The following ANKRD26 variants were observed in gnomAD, a reference collection of about 807,000 sequenced individuals.
ANKRD26 encodes the protein ankyrin repeat domain-containing protein 26.
A neutral mutation model predicts 208.7 loss-of-function variants in ANKRD26; 141 were observed. The observed-to-expected ratio is 0.68, with a 90% CI of 0.59 to 0.78. The LOEUF is 0.78. Ranked by LOEUF, ANKRD26 falls within the 30% of genes least tolerant of loss-of-function variation. The probability of loss-of-function intolerance (pLI) is 0.00; values close to 1 mark genes in which losing one functional copy is unlikely to be tolerated. For missense variants in ANKRD26, 1,889 were observed against 1,938.7 expected (o/e 0.97, Z 0.48); for synonymous variants, 636 against 660.4 (o/e 0.96, Z 0.57).
chr10:26,993,785 C>G (rs890536927), intron 5 of ANKRD26, among the ~76,000 whole-genome samples: 1 of 151,982 alleles, frequency 6.6e-6, no homozygotes, highest in Non-Finnish European at 1.5e-5. Flanking sequence ...AAGGAGATAC[C>G]CAACATGGAA....
At position 27,067,024 on chromosome 10, in the gene ANKRD26, C is replaced by T. The variant is rs187299659; in HGVS notation, c.1207+133G>A. ...GTTTCATCATGTTGGCTAGGCTGGTCTCGAACTCCTGACCTCAGGTGATCC... is the reference window on the plus strand; with the variant it reads ...GTTTCATCATGTTGGCTAGGCTGGTTTCGAACTCCTGACCTCAGGTGATCC... On this transcript the variant is annotated intron_variant, in intron 10 of 33. Transcript: ENST00000376087. 8.5e-5 allele frequency: 80 copies of T among 946,344 alleles called. No individual in the cohort carries two copies. In the Admixed American group the frequency reaches 1.5e-3, roughly 18 times the overall value. 58.6% of individuals were successfully genotyped at this position (946,344 alleles called of 1,614,324 possible).
At chr10:26,952,496 C>T in the ANKRD26 span, among the ~76,000 whole-genome samples, 2 of 134,578 alleles carry the variant, frequency 1.5e-5, no homozygotes, top group Non-Finnish European at 3.3e-5. Flanking sequence ...CATCAAGAGC[C>T]TTTTTGACAT....
chr10:26,963,499 GCTA>G, the ANKRD26 span, among the ~76,000 whole-genome samples: 1 of 152,166 alleles, frequency 6.6e-6, no homozygotes, highest in African/African-American at 2.4e-5. Context: ...AGCTGATGAT[GCTA>G]CCATGCTGCC....
At chr10:26,974,335 T>C (rs981392842) in exon 6 of ANKRD26, among the ~76,000 whole-genome samples, 1 of 124,838 alleles carries the variant, frequency 8.0e-6, no homozygotes, top group African/African-American at 3.2e-5. Context: ...TAGACATTAC[T>C]TCTGCATTTT....
At chr10:27,098,231 G>C (rs374673805) in intron 1 of ANKRD26, among the ~76,000 whole-genome samples, 1 of 149,036 alleles carries the variant, frequency 6.7e-6, no homozygotes, top group Non-Finnish European at 1.5e-5. Context: ...GGCTAGTTTC[G>C]AACTCCTGGG....
rs1271087263 is a variant in ANKRD26 at position 27,021,760 on chromosome 10, CTTG to C, written c.4215+795_4215+797del. Among the ~76,000 whole-genome samples the C allele has an allele frequency of 3.9e-5, 6 of 152,164 alleles. No homozygotes were observed. The South Asian group carries it at 6.2e-4, about 16-fold the overall frequency. On this transcript the variant is annotated intron_variant, in intron 29 of 33. Coordinates refer to ENST00000376087, the MANE Select transcript of ANKRD26 (RefSeq NM_014915.3). ...CATTCTGGCTAGTATGAGATGGTATCTTGTTGTGGTTTTGATTTGCATTTCTCT... is the reference window on the plus strand; with the variant it reads ...CATTCTGGCTAGTATGAGATGGTATCTTGTGGTTTTGATTTGCATTTCTCT...
At chr10:27,073,893 T>C (rs1210622713) in intron 9 of ANKRD26, among the ~76,000 whole-genome samples, 1 of 152,082 alleles carries the variant, frequency 6.6e-6, no homozygotes, top group African/African-American at 2.4e-5. Context: ...ACACAAAGAT[T>C]CTCTGTAACG....
chr10:27,046,218 G>C, intron 18 of ANKRD26, 135 bp downstream of exon 18: 1 of 932,484 alleles, frequency 1.1e-6, no homozygotes, highest in Non-Finnish European at 1.6e-6. Context: ...AAAGTCACTT[G>C]TCCTCATCTT....
At chr10:26,988,479 G>T (rs7911508), downstream of ANKRD26, among the ~76,000 whole-genome samples, 1 of 151,926 alleles carries the variant, frequency 6.6e-6, no homozygotes, top group Non-Finnish European at 1.5e-5. Context: ...GGGAAAAATT[G>T]AGTCCTCTAA....
intron 29 of ANKRD26, among the ~76,000 whole-genome samples, chr10:27,018,693 C>G (rs1053560060): frequency 6.6e-6 from 1 of 152,124 alleles, no homozygotes; most frequent in African/African-American, 2.4e-5. Flanking sequence ...CGTGTATTTA[C>G]AGCCAACTGA....
chr10:27,058,262 A>G (rs1442134425), intron 15 of ANKRD26, among the ~76,000 whole-genome samples: 1 of 152,176 alleles, frequency 6.6e-6, no homozygotes, highest in Non-Finnish European at 1.5e-5. Flanking sequence ...TTTTGATTTA[A>G]GAATCCCTAG....
chr10:27,064,839 T>C (rs1227899547), intron 11 of ANKRD26, among the ~76,000 whole-genome samples: 6 of 127,696 alleles, frequency 4.7e-5, no homozygotes, highest in South Asian at 2.1e-4. Context: ...CAAAAAAGTA[T>C]AGCAAGCCTT....
chr10:27,032,904 T>C (rs1554777826), intron 25 of ANKRD26, among the ~76,000 whole-genome samples: 1 of 150,418 alleles, frequency 6.6e-6, no homozygotes, highest in Non-Finnish European at 1.5e-5. Flanking sequence ...ACCTCGTCTC[T>C]ACTAAAAAAA....
Position 27,051,346 on chromosome 10 carries a change from T to C in ANKRD26, c.1635+1974A>G, listed in dbSNP as rs990610378. On this transcript the variant is annotated intron_variant, in intron 16 of 33. Transcript: ENST00000376087. Reference sequence around the variant, plus strand: ...CCAGCAGAAATACTATGCCTTTTTATGTGAAACATATGATTCATTTCTTTG... The same window carrying C: ...CCAGCAGAAATACTATGCCTTTTTACGTGAAACATATGATTCATTTCTTTG... 8 of 1,260,324 alleles carry C rather than the reference T, an allele frequency of 6.3e-6. No homozygotes were observed. The South Asian group carries it at 9.3e-5, about 15-fold the overall frequency. 78.1% of individuals were successfully genotyped at this position (1,260,324 alleles called of 1,614,324 possible).
At chr10:27,062,133 A>G in intron 12 of ANKRD26, 2 of 985,230 alleles carry the variant, frequency 2.0e-6, no homozygotes, top group Non-Finnish European at 2.4e-6. Flanking sequence ...TAATCTCCAG[A>G]TCTGTGGTCT....
downstream of ANKRD26, among the ~76,000 whole-genome samples, chr10:26,988,089 C>T (rs986465006): frequency 1.3e-5 from 2 of 152,124 alleles, no homozygotes; most frequent in African/African-American, 4.8e-5. Context: ...CTGATTGTCC[C>T]TCTGGAGTAA....
chr10:27,008,787 T>C (rs936468946), intron 32 of ANKRD26, among the ~76,000 whole-genome samples: 2 of 152,156 alleles, frequency 1.3e-5, no homozygotes, highest in African/African-American at 4.8e-5. Flanking sequence ...ATTCCAGCCC[T>C]GGAGTGGCCT....
Position 27,082,814 on chromosome 10 carries a change from G to A in ANKRD26, c.729C>T (p.Asp243=). The A allele has an allele frequency of 6.3e-7, 1 of 1,589,436 alleles. No homozygotes were observed. The highest frequency in any genetic ancestry group is 8.6e-7 in the Non-Finnish European group (1 of 1,166,812). ...NSNSVDESSE[D]SLSRLSGKPG... is the part of the protein sequence containing the mutation. ...CTGTAAAATACTACCTGCTTAAGGA[G>A]TCTTCAGAGCTTTCATCCACTATTA... The change falls in exon 6 of 34, where the codon GAC becomes GAT. Residue 243 remains aspartate (D), a synonymous_variant. Coordinates refer to ENST00000376087, the MANE Select transcript of ANKRD26 (RefSeq NM_014915.3).
intron 4 of ANKRD26, 73 bp downstream of exon 4, chr10:27,092,333 A>G: frequency 2.6e-6 from 3 of 1,159,868 alleles, no homozygotes; most frequent in Non-Finnish European, 2.5e-6. Flanking sequence ...AACCTGTAAC[A>G]TGCAAAACAC....
Sources: allele counts gnomAD v4.1 joint callset (sites outside exome capture counted in the v4.1 genomes callset), GRCh38; gene constraint gnomAD v4.1.1; transcripts MANE v1.5; gene names NCBI Gene and HGNC (gene_info 2026-07-23, HGNC 2026-07-21).